Variants in LARGE1 observed in about 807,000 individuals in gnomAD.
LARGE1 encodes the protein LARGE xylosyl- and glucuronyltransferase 1, also known as xylosyl- and glucuronyltransferase LARGE1.
In LARGE1, 43 loss-of-function variants were observed where a neutral mutation model predicts 87.6. The ratio of observed to expected loss-of-function variants is 0.49; its 90% CI spans 0.38 to 0.63. The LOEUF (loss-of-function observed/expected upper bound fraction) is 0.63, where lower values mean the gene tolerates loss of function less well. Ranked by LOEUF, LARGE1 falls within the 30% of genes least tolerant of loss-of-function variation. LARGE1 has a pLI of 0.00. For synonymous variants in LARGE1, 434 were observed against 394.6 expected (o/e 1.10, Z -1.18); for missense variants, 802 against 1,000.2 (o/e 0.80, Z 2.67).
intron 9 of LARGE1, among the ~76,000 whole-genome samples, chr22:33,364,377 G>T (rs542151702): frequency 1.3e-5 from 2 of 152,042 alleles, no homozygotes; most frequent in South Asian, 4.2e-4. Flanking sequence ...CTTTTTCTCC[G>T]CTTCCTCCCA....
At chr22:33,449,673 G>T (rs1290669205) in intron 6 of LARGE1, among the ~76,000 whole-genome samples, 1 of 152,198 alleles carries the variant, frequency 6.6e-6, no homozygotes, top group African/African-American at 2.4e-5. Flanking sequence ...TCAACTTTGG[G>T]TTAGGCTGCC....
chr22:33,300,628 C>T (rs1934020992), intron 12 of LARGE1, among the ~76,000 whole-genome samples: 1 of 152,114 alleles, frequency 6.6e-6, no homozygotes, highest in Non-Finnish European at 1.5e-5. Flanking sequence ...GCAACCTCTG[C>T]CTTCCGGGGT....
rs549262812 is a variant in LARGE1, at chr22:33,765,530, C to A, written c.-82-3972G>T. 3.4e-3 allele frequency among the ~76,000 whole-genome samples: 521 copies of A among 151,752 alleles called. 2 individuals are homozygous for A. The highest frequency in any genetic ancestry group is 4.4e-3 in the Non-Finnish European group (302 of 67,912). ...ACCCGCCTAGCCAACATAGTGAAAC[C>A]CGGTCTCTACTAAAAATACAAAAAA... On this transcript the variant is annotated intron_variant, in intron 1 of 14. Coordinates refer to ENST00000397394, the MANE Select transcript of LARGE1 (RefSeq NM_133642.5).
At chr22:33,336,204 T>G (rs1384004297) in intron 10 of LARGE1, among the ~76,000 whole-genome samples, 1 of 152,206 alleles carries the variant, frequency 6.6e-6, no homozygotes, top group African/African-American at 2.4e-5. Context: ...AAGTTTGTTG[T>G]TATTGTTGTT....
chr22:33,870,735 A>G (rs2064253580), intron 1 of LARGE1, among the ~76,000 whole-genome samples: 1 of 152,004 alleles, frequency 6.6e-6, no homozygotes, highest in Non-Finnish European at 1.5e-5. Flanking sequence ...CACTCGTAAA[A>G]TTTTTGTATT....
chr22:33,131,455 G>A, the LARGE1 span, among the ~76,000 whole-genome samples: 4 of 151,942 alleles, frequency 2.6e-5, no homozygotes, highest in Admixed American at 1.3e-4. Flanking sequence ...CTGTTCTCAC[G>A]CTGCTAATAG....
At chr22:33,128,683 A>AAC in the LARGE1 span, among the ~76,000 whole-genome samples, 1,136 of 58,816 alleles carry the variant, frequency 0.019, 14 homozygotes, top group African/African-American at 0.061. Flanking sequence ...TCAAAAACAA[A>AAC]AAAAAAAAAA....
At chr22:33,841,230 A>AT (rs113197092) in intron 1 of LARGE1, among the ~76,000 whole-genome samples, 8 of 151,306 alleles carry the variant, frequency 5.3e-5, no homozygotes, top group South Asian at 2.1e-4. Context: ...TGTTACTCTC[A>AT]TTTTTTTTTC....
At chr22:33,382,105 G>A (rs2065178989) in intron 8 of LARGE1, 61 bp from the exon 9 acceptor site, 3 of 1,607,162 alleles carry the variant, frequency 1.9e-6, no homozygotes, top group East Asian at 4.5e-5. Flanking sequence ...GCCCATTTTG[G>A]CTCTCAAGGC....
chr22:33,070,624 C>G, the LARGE1 span, among the ~76,000 whole-genome samples: 1 of 152,200 alleles, frequency 6.6e-6, no homozygotes, highest in Admixed American at 6.5e-5. Flanking sequence ...TCCAAAAGCT[C>G]TTGTTCTGTG....
At chr22:33,348,805 C>T (rs1485866220) in intron 9 of LARGE1, among the ~76,000 whole-genome samples, 3 of 151,946 alleles carry the variant, frequency 2.0e-5, no homozygotes, top group Admixed American at 6.6e-5. Context: ...GTGTCCCCAC[C>T]CAAATCTCAT....
intron 6 of LARGE1, among the ~76,000 whole-genome samples, chr22:33,547,229 G>A (rs533669007): frequency 4.0e-5 from 6 of 151,658 alleles, no homozygotes; most frequent in Non-Finnish European, 5.9e-5. Context: ...AGGGTGGTGG[G>A]GGGGAGGGTA....
At chr22:33,458,940 C>T (rs1469112000) in intron 6 of LARGE1, among the ~76,000 whole-genome samples, 3 of 151,954 alleles carry the variant, frequency 2.0e-5, no homozygotes, top group Non-Finnish European at 2.9e-5. Context: ...CACTAGATAC[C>T]AGGTATAGTA....
intron 6 of LARGE1, among the ~76,000 whole-genome samples, chr22:33,469,861 C>CAAAAAA: frequency 2.0e-5 from 3 of 148,440 alleles, no homozygotes; most frequent in Admixed American, 6.8e-5. Context: ...AAACAAAAAA[C>CAAAAAA]CATCTATTGG....
intron 11 of LARGE1, among the ~76,000 whole-genome samples, chr22:33,214,280 G>C (rs1925099550): frequency 6.6e-6 from 1 of 152,024 alleles, no homozygotes; most frequent in African/African-American, 2.4e-5. Context: ...TCTTCAGATG[G>C]GTTCTCTTTG....
At chr22:33,305,718 TGCCCA>T in intron 11 of LARGE1, 4 of 344,646 alleles carry the variant, frequency 1.2e-5, no homozygotes, top group Non-Finnish European at 1.6e-5. Flanking sequence ...TAAGTGGCAC[TGCCCA>T]GATTTGCTTC....
At chr22:33,547,624 T>A (rs1235343597) in intron 6 of LARGE1, among the ~76,000 whole-genome samples, 1 of 151,458 alleles carries the variant, frequency 6.6e-6, no homozygotes, top group East Asian at 1.9e-4. Flanking sequence ...TGAAACCCCA[T>A]CTCTACTTTA....
intron 2 of LARGE1, among the ~76,000 whole-genome samples, chr22:33,757,279 C>G (rs1357367299): frequency 6.6e-6 from 1 of 152,190 alleles, no homozygotes; most frequent in Non-Finnish European, 1.5e-5. Context: ...AGGAGCAAAT[C>G]ACAGTAAGCC....
At chr22:33,500,202 C>G (rs910932708) in intron 6 of LARGE1, among the ~76,000 whole-genome samples, 1 of 152,194 alleles carries the variant, frequency 6.6e-6, no homozygotes, top group African/African-American at 2.4e-5. Context: ...AAAAGCCTCT[C>G]AAAGTAGGAA....
Sources: gnomAD v4.1 joint callset for allele counts (sites outside exome capture counted in the v4.1 genomes callset) on GRCh38, gnomAD v4.1.1 for gene constraint, MANE v1.5 for transcripts, NCBI Gene and HGNC (gene_info 2026-07-23, HGNC 2026-07-21) for gene names.